RYR2: variants seen among roughly 807,000 people sequenced by gnomAD.
RYR2 encodes the protein cardiac muscle ryanodine receptor-calcium release channel.
RYR2 carries 227 observed loss-of-function variants against 601.1 expected under a neutral mutation model. The observed-to-expected ratio is 0.38, with a 90% CI of 0.34 to 0.42. The LOEUF is 0.42. Ranked by LOEUF, RYR2 falls within the 10% of genes least tolerant of loss-of-function variation. RYR2 has a pLI of 1.00. For synonymous variants in RYR2, 2,223 were observed against 2,175.1 expected, an observed-to-expected ratio of 1.02 and a Z score of -0.61; for missense variants, 4,646 against 6,156.5, an observed-to-expected ratio of 0.75 and a Z score of 8.21.
chr1:237,761,724 C>T (rs1342749597), intron 84 of RYR2, among the ~76,000 whole-genome samples: 1 of 152,012 alleles, frequency 6.6e-6, no homozygotes, highest in African/African-American at 2.4e-5. Context: ...AGAAAAAAAT[C>T]TTCAGTAGTT....
chr1:237,793,052 C>T (rs1293397483), intron 94 of RYR2, among the ~76,000 whole-genome samples: 3 of 152,210 alleles, frequency 2.0e-5, no homozygotes, highest in Non-Finnish European at 4.4e-5. Context: ...CATTACCTGT[C>T]CAAACCTCTT....
chr1:237,295,316 A>G (rs927956761), intron 2 of RYR2, among the ~76,000 whole-genome samples: 5 of 152,116 alleles, frequency 3.3e-5, no homozygotes, highest in African/African-American at 1.2e-4. Context: ...AGGAGGAAGG[A>G]TTACTTTTTG....
chr1:237,696,079 A>G (rs570882208), intron 63 of RYR2, among the ~76,000 whole-genome samples: 1 of 152,310 alleles, frequency 6.6e-6, no homozygotes, highest in South Asian at 2.1e-4. Context: ...GGTGCAGGGA[A>G]CAAAGCAAAC....
chr1:237,344,727 A>G (rs973321430), intron 3 of RYR2, among the ~76,000 whole-genome samples: 5 of 152,184 alleles, frequency 3.3e-5, no homozygotes, highest in Non-Finnish European at 7.3e-5. Context: ...TTACATTAGA[A>G]TATGGTTTTG....
At chr1:237,803,061 G>A (rs1574018154) in intron 98 of RYR2, among the ~76,000 whole-genome samples, 1 of 152,268 alleles carries the variant, frequency 6.6e-6, no homozygotes, top group Non-Finnish European at 1.5e-5. Context: ...GTTACCAGAC[G>A]AAATTCAGAA....
At chr1:237,369,480 G>C (rs1480554545) in intron 5 of RYR2, 54 bp from the exon 6 acceptor site, 1 of 1,422,958 alleles carries the variant, frequency 7.0e-7, no homozygotes, top group African/African-American at 1.4e-5. Flanking sequence ...ACTTGGTTAA[G>C]TTACTCTTTT....
At chr1:237,126,293 G>A (rs1671412141) in intron 1 of RYR2, among the ~76,000 whole-genome samples, 1 of 152,000 alleles carries the variant, frequency 6.6e-6, no homozygotes, top group Non-Finnish European at 1.5e-5. Flanking sequence ...CCATGGAGGT[G>A]TGCCACTCAG....
At chr1:237,740,459 A>C (rs1691511126) in intron 79 of RYR2, among the ~76,000 whole-genome samples, 2 of 152,180 alleles carry the variant, frequency 1.3e-5, no homozygotes, top group African/African-American at 4.8e-5. Flanking sequence ...TTTATTTCAA[A>C]ATACTTTTTT....
At chr1:237,649,286 C>T (rs1225239044) in intron 49 of RYR2, among the ~76,000 whole-genome samples, 7 of 152,180 alleles carry the variant, frequency 4.6e-5, no homozygotes, top group African/African-American at 1.2e-4. Context: ...GGACTTGAGC[C>T]GACAGTAGCC....
At chr1:237,326,819 A>G (rs1696217805) in intron 2 of RYR2, among the ~76,000 whole-genome samples, 1 of 152,224 alleles carries the variant, frequency 6.6e-6, no homozygotes, top group Non-Finnish European at 1.5e-5. Context: ...CTTATCTTCC[A>G]TTCCTGGCAT....
intron 11 of RYR2, among the ~76,000 whole-genome samples, chr1:237,422,339 T>TTTAA (rs2150054117): frequency 6.6e-6 from 1 of 152,316 alleles, no homozygotes; most frequent in East Asian, 1.9e-4. Context: ...ATATCCATCA[T>TTTAA]CTCAAACGTT....
chr1:237,243,166 C>A (rs80069255), intron 1 of RYR2, among the ~76,000 whole-genome samples: 2,765 of 152,220 alleles, frequency 0.018, 83 homozygotes, highest in African/African-American at 0.063. Flanking sequence ...TCCCCATACA[C>A]CAAGCATGAA....
Position 237,654,334 on chromosome 1 carries a change from A to C in RYR2, c.7885A>C (p.Asn2629His), listed in dbSNP as rs1434302909. 3 of 1,613,818 alleles carry C rather than the reference A, an allele frequency of 1.9e-6. No individual in the cohort carries two copies. Among genetic ancestry groups the C allele is most frequent in the Admixed American group, 1.7e-5 (1 of 59,996 alleles). Reference protein sequence around the residue: ...KYYCLPGGWGNFGAASEEELH... With the variant: ...KYYCLPGGWGHFGAASEEELH... ...TTACTGCCTGCCTGGAGGGTGGGGA[A>C]ACTTTGGTGCTGCCTCAGAAGAAGA... Residue 2629 changes from asparagine to histidine, a missense_variant, in exon 52 of 105, where the codon AAC becomes CAC. This residue lies in a region of RYR2 where 1,497 missense variants were observed against 1,842.6 expected (regional missense o/e 0.81). Transcript: ENST00000366574.
chr1:237,498,441 C>T (rs1428241354), intron 20 of RYR2, among the ~76,000 whole-genome samples: 1 of 152,118 alleles, frequency 6.6e-6, no homozygotes, highest in Admixed American at 6.5e-5. Flanking sequence ...TGTTATAAAA[C>T]ATTTGAACTA....
rs1388200869 is a variant in RYR2, at chr1:237,416,757, C to G, written c.774-292C>G. On this transcript the variant is annotated intron_variant, in intron 10 of 104. Coordinates refer to ENST00000366574, the MANE Select transcript of RYR2 (RefSeq NM_001035.3). ...AGGGAGGGATGGGAAGAAACACACACACACACAGAGAGAGAGAGAGAGAGA... is the reference window on the plus strand; with the variant it reads ...AGGGAGGGATGGGAAGAAACACACAGACACACAGAGAGAGAGAGAGAGAGA... Among the ~76,000 whole-genome samples, 16 of 121,134 alleles carry G rather than the reference C, an allele frequency of 1.3e-4. No homozygotes were observed. The East Asian group carries it at 1.3e-3, about 10-fold the overall frequency. 79.5% of individuals were successfully genotyped at this position (121,134 alleles called of 152,430 possible). A position where few individuals can be genotyped will look rare whatever the true frequency, so the allele number is the denominator to read the frequency against.
At position 237,496,269 on chromosome 1, in the gene RYR2, G is replaced by A. The variant is rs13374561; in HGVS notation, c.1962-242G>A. On this transcript the variant is annotated intron_variant, in intron 19 of 104. Transcript: ENST00000366574. ...AAATAAAAAAGAAAATTAGTTGGGC[G>A]TGGTGGCACTCGCCTTTAGTGCCAG... 0.077 allele frequency among the ~76,000 whole-genome samples: 11,761 copies of A among 152,138 alleles called. 1,370 individuals are homozygous for A. The highest frequency in any genetic ancestry group is 0.25 in the African/African-American group (10,396 of 41,462).
At position 237,783,788 on chromosome 1, in the gene RYR2, T is replaced by G. The variant is rs765141566; in HGVS notation, c.12076T>G (p.Leu4026Val). 12 of 1,613,396 alleles carry G rather than the reference T, an allele frequency of 7.4e-6. No individual in the cohort carries two copies. In the African/African-American group the frequency reaches 1.2e-4, roughly 16 times the overall value. The stretch of plus-strand genomic sequence containing the variant: ...TGACATGTTCTTAAAACTAAAGGAT[T>G]TGACGTCGTCTGATACTTTTAAAGA... ...FFDMFLKLKDLTSSDTFKEYD... is the reference protein window; with the variant it reads ...FFDMFLKLKDVTSSDTFKEYD... The change falls in exon 90 of 105, where the codon TTG becomes GTG. Residue 4026 changes from leucine to valine, a missense_variant. Leu to Val is a conservative substitution (Grantham distance 32). Coordinates refer to ENST00000366574, the MANE Select transcript of RYR2 (RefSeq NM_001035.3).
chr1:237,495,246 G>A (rs1358309624), intron 19 of RYR2, among the ~76,000 whole-genome samples: 1 of 152,168 alleles, frequency 6.6e-6, no homozygotes, highest in Non-Finnish European at 1.5e-5. Context: ...TGGAGGATGA[G>A]CAAGGTTTCA....
chr1:237,529,757 T>TCACACACACACACACACA (rs1235847282), intron 24 of RYR2, among the ~76,000 whole-genome samples: 2 of 40,188 alleles, frequency 5.0e-5, no homozygotes, highest in Admixed American at 3.6e-4. Flanking sequence ...AACAATAATA[T>TCACACACACACACACACA]CATACACACA....
Sources: gnomAD v4.1 joint callset for allele counts (sites outside exome capture counted in the v4.1 genomes callset) on GRCh38, gnomAD v4.1.1 for gene constraint, gnomAD v4.1.1 regional missense constraint, MANE v1.5 for transcripts, NCBI Gene and HGNC (gene_info 2026-07-23, HGNC 2026-07-21) for gene names.